ZNF195: variants seen among roughly 807,000 people sequenced by gnomAD.
The protein encoded by ZNF195 is zinc finger protein 195.
A neutral mutation model predicts 19.5 loss-of-function variants in ZNF195; 11 were observed. That is an observed-to-expected ratio of 0.57 (90% CI 0.36 to 0.94). The LOEUF (loss-of-function observed/expected upper bound fraction) is 0.94. Among genes scored for constraint, ZNF195 ranks in the 40% least tolerant of loss-of-function variants. ZNF195 has a pLI of 0.01. For missense variants in ZNF195, 582 were observed against 709.0 expected, an observed-to-expected ratio of 0.82 and a Z score of 2.03; for synonymous variants, 214 against 248.1, an observed-to-expected ratio of 0.86 and a Z score of 1.29.
At chr11:3,375,477 A>G (rs1277474580) in intron 1 of ZNF195, 1 of 152,242 alleles carries the variant, frequency 6.6e-6, no homozygotes, top group East Asian at 1.9e-4. Flanking sequence ...ATATCCCTTC[A>G]ATATGACATC....
Position 3,359,401 on chromosome 11 carries a change from T to C in ZNF195, c.1607A>G (p.Asn536Ser). The C allele has an allele frequency of 6.2e-7, 1 of 1,614,168 alleles. No individual in the cohort carries two copies. Among genetic ancestry groups the C allele is most frequent in the Non-Finnish European group, 8.5e-7 (1 of 1,180,020 alleles). ...ECGKNFTQSS[N>S]LIVHKRIHTG... ...ATGAATTCTCTTATGTACAATAAGGTTGGAGGACTGGGTAAAGTTTTTTCC... is the reference window on the plus strand; with the variant it reads ...ATGAATTCTCTTATGTACAATAAGGCTGGAGGACTGGGTAAAGTTTTTTCC... Residue 536 changes from asparagine (N) to serine (S), a missense_variant, in exon 6 of 6, where the codon AAC becomes AGC. Around this residue, in one of 3 missense-constraint regions of ZNF195, gnomAD observed 407 missense variants for 530.5 expected, o/e 0.77. Transcript: ENST00000399602. This position sits in a 1 kb window ranked among gnomAD's most constrained non-coding sequence, Gnocchi z 5.5.
In ZNF195 at chr11:3,360,155, A is replaced by G. The variant is rs367829346; in HGVS notation, c.853T>C (p.Ser285Pro). The G allele has an allele frequency of 1.5e-5, 25 of 1,613,862 alleles. No homozygotes were observed. The highest frequency in any genetic ancestry group is 2.0e-5 in the Non-Finnish European group (24 of 1,179,902). Residue 285 changes from serine (S) to proline (P), a missense_variant, in exon 6 of 6, where the codon TCA becomes CCA. By Grantham distance (74) the Ser-to-Pro change is moderately conservative. Coordinates refer to ENST00000399602, the MANE Select transcript of ZNF195 (RefSeq NM_001130520.3). ...GECGKTFIQC[S>P]HFTEPENIDT... ...ATGTTCTCAGGTTCAGTAAAGTGTG[A>G]GCACTGGATAAAGGTTTTGCCACAT...
At chr11:3,369,158 A>G (rs1462441289) in intron 3 of ZNF195, 5 of 263,708 alleles carry the variant, frequency 1.9e-5, no homozygotes, top group Admixed American at 4.8e-5. Context: ...GTAACATATT[A>G]GGGCTGTGCA....
rs191521993 is a variant in ZNF195 at position 3,365,014 on chromosome 11, C to T, written c.227-3125G>A. 1.6e-3 allele frequency among the ~76,000 whole-genome samples: 250 copies of T among 152,206 alleles called. 2 individuals carry two copies. The highest frequency in any genetic ancestry group is 1.0e-3 in the Non-Finnish European group (71 of 67,992). ...GTGGGGTGGTTATCCTTATATTAGACACAATACACTGTAAGTCAGAACTGT... is the reference window on the plus strand; with the variant it reads ...GTGGGGTGGTTATCCTTATATTAGATACAATACACTGTAAGTCAGAACTGT... On this transcript the variant is annotated intron_variant, in intron 3 of 5. Transcript: ENST00000399602.
At position 3,360,511 on chromosome 11, in the gene ZNF195, G is replaced by A. The variant is rs541850008; in HGVS notation, c.497C>T (p.Ala166Val). 1.1e-5 allele frequency: 18 copies of A among 1,605,336 alleles called. No homozygotes were observed. In the South Asian group the frequency reaches 2.0e-4, roughly 18 times the overall value. The stretch of plus-strand genomic sequence containing the variant: ...TCCTCTCAGTATTCTTTTTGGGAAT[G>A]CATCTTGTATGCCCTGCTCTGGCAG... ...DLLPEQGIQD[A>V]FPKRILRGYG... The change falls in exon 6 of 6, where the codon GCA becomes GTA. Residue 166 changes from alanine to valine, a missense_variant. By Grantham distance (64) the Ala-to-Val change is moderately conservative (BLOSUM62 0). This residue lies in a region of ZNF195 where 129 missense variants were observed against 112.1 expected (regional missense o/e 1.15). Coordinates refer to ENST00000399602, the MANE Select transcript of ZNF195 (RefSeq NM_001130520.3).
intron 3 of ZNF195, among the ~76,000 whole-genome samples, chr11:3,363,747 C>T (rs1346728753): frequency 6.6e-6 from 1 of 152,208 alleles, no homozygotes; most frequent in Non-Finnish European, 1.5e-5. Flanking sequence ...GGAGGTATCA[C>T]ACTGTCTGAT....
At position 3,371,056 on chromosome 11, in the gene ZNF195, TACAG is replaced by T; in HGVS notation, c.141_144del (p.Cys48SerfsTer4). 1 of 1,613,410 alleles carries T rather than the reference TACAG, an allele frequency of 6.2e-7. No individual in the cohort carries two copies. The highest frequency in any genetic ancestry group is 8.5e-7 in the Non-Finnish European group (1 of 1,179,586). ...TCCAGGCAGGTGATCAGGCCTGGCT[TACAG>T]ACAGTGAGACCTGTTTTATTAGAAA... On this transcript the variant is annotated frameshift_variant, in exon 3 of 6. Coordinates refer to ENST00000399602, the MANE Select transcript of ZNF195 (RefSeq NM_001130520.3). LOFTEE classifies it high-confidence loss of function.
chr11:3,376,680 G>C (rs1327763708), intron 1 of ZNF195, among the ~76,000 whole-genome samples: 1 of 152,214 alleles, frequency 6.6e-6, no homozygotes, highest in Non-Finnish European at 1.5e-5. Flanking sequence ...ATTATTTATT[G>C]CTTTCAGACA....
At chr11:3,372,888 C>T (rs1239621250) in intron 1 of ZNF195, among the ~76,000 whole-genome samples, 1 of 152,132 alleles carries the variant, frequency 6.6e-6, no homozygotes, top group African/African-American at 2.4e-5. Flanking sequence ...TGTGCCACCA[C>T]GCTTGGATAA....
At chr11:3,367,002 T>A (rs974358225) in intron 3 of ZNF195, 10 of 451,160 alleles carry the variant, frequency 2.2e-5, no homozygotes, top group African/African-American at 2.0e-4. Context: ...GAAGCAGAGG[T>A]TGCAGTGAGC....
At chr11:3,365,784 A>G (rs570866865) in intron 3 of ZNF195, among the ~76,000 whole-genome samples, 1 of 152,382 alleles carries the variant, frequency 6.6e-6, no homozygotes, top group East Asian at 1.9e-4. Context: ...GAAACAAAGC[A>G]GAGAGCCCAG....
In ZNF195 at chr11:3,359,950, G is replaced by T. The variant is rs1848546955; in HGVS notation, c.1058C>A (p.Pro353His). ...ACTGCTGCACTCTTCATATTTGCAG[G>T]GTTTTTCCTCAGTACCATGCTCATG... ...TEHEHGTEEK[P>H]CKYEECSSVF... The change falls in exon 6 of 6, where the codon CCC becomes CAC. Residue 353 changes from proline (P) to histidine (H), a missense_variant. Physicochemically the swap from Pro to His is moderately conservative, Grantham distance 77 (BLOSUM62 -2). Coordinates refer to ENST00000399602, the MANE Select transcript of ZNF195 (RefSeq NM_001130520.3). This position sits in a 1 kb window ranked among gnomAD's most constrained non-coding sequence, Gnocchi z 5.5. 19 of 1,614,024 alleles carry T rather than the reference G, an allele frequency of 1.2e-5. No individual in the cohort carries two copies. In the East Asian group the frequency reaches 4.2e-4, roughly 36 times the overall value.
chr11:3,373,505 G>T, intron 1 of ZNF195: 1 of 1,243,626 alleles, frequency 8.0e-7, no homozygotes, highest in Non-Finnish European at 1.2e-6. Context: ...AGAAGTAAAG[G>T]TTTCCAAATT....
chr11:3,377,603 TC>T, intron 1 of ZNF195: 1 of 1,182,776 alleles, frequency 8.5e-7, no homozygotes, highest in Admixed American at 3.1e-5. Flanking sequence ...AATCTTAATG[TC>T]CTAAGTGGTT....
chr11:3,359,721 C>G lies in ZNF195; in HGVS notation c.1287G>C (p.Lys429Asn), dbSNP rs755688623. Residue 429 changes from lysine (K) to asparagine (N), a missense_variant, in exon 6 of 6, where the codon AAG (lysine) becomes AAC (asparagine). Lys to Asn is a moderately conservative substitution (Grantham distance 94, BLOSUM62 0). This residue lies in a region of ZNF195 where 407 missense variants were observed against 530.5 expected (regional missense o/e 0.77). Coordinates refer to ENST00000399602, the MANE Select transcript of ZNF195 (RefSeq NM_001130520.3). The surrounding 1 kb of genome is among the most constrained non-coding windows in gnomAD (Gnocchi z 5.5). Reference sequence around the variant, plus strand: ...ATGGTTTCTCACCAGTGTGAATTCTCTTATGTTTAGTAAGGTCTGAGAACC... The same window carrying G: ...ATGGTTTCTCACCAGTGTGAATTCTGTTATGTTTAGTAAGGTCTGAGAACC... ...FKWFSDLTKH[K>N]RIHTGEKPYK... 2 of 1,614,124 alleles carry G rather than the reference C, an allele frequency of 1.2e-6. No homozygotes were observed. Among genetic ancestry groups the G allele is most frequent in the South Asian group, 2.2e-5 (2 of 91,086 alleles).
At chr11:3,361,346 T>C (rs1423164835) in intron 4 of ZNF195, among the ~76,000 whole-genome samples, 3 of 152,162 alleles carry the variant, frequency 2.0e-5, no homozygotes, top group East Asian at 3.9e-4. Context: ...TAGGGTCACA[T>C]GGCATAATCA....
At position 3,359,707 on chromosome 11, in the gene ZNF195, C is replaced by T. The variant is rs1848534535; in HGVS notation, c.1301G>A (p.Gly434Asp). 6.2e-7 allele frequency: 1 copy of T among 1,614,188 alleles called. No homozygotes were observed. ...TTCGTCACATTTGTATGGTTTCTCACCAGTGTGAATTCTCTTATGTTTAGT... is the reference window on the plus strand; with the variant it reads ...TTCGTCACATTTGTATGGTTTCTCATCAGTGTGAATTCTCTTATGTTTAGT... ...DLTKHKRIHT[G>D]EKPYKCDECG... Residue 434 changes from glycine to aspartate, a missense_variant, in exon 6 of 6, where the codon GGT becomes GAT. Physicochemically the swap from Gly to Asp is moderately conservative, Grantham distance 94. Transcript: ENST00000399602. The surrounding 1 kb of genome is among the most constrained non-coding windows in gnomAD (Gnocchi z 5.5).
intron 3 of ZNF195, chr11:3,369,318 G>C: frequency 4.4e-6 from 1 of 226,906 alleles, no homozygotes. Context: ...AACCAGGGTG[G>C]GGGGGCGTTA....
chr11:3,364,863 C>T (rs929397413), intron 3 of ZNF195, among the ~76,000 whole-genome samples: 5 of 152,034 alleles, frequency 3.3e-5, no homozygotes, highest in African/African-American at 1.2e-4. Context: ...ACTTATTGAA[C>T]AGAAATAAAA....
Sources: allele counts gnomAD v4.1 joint callset (sites outside exome capture counted in the v4.1 genomes callset), GRCh38; gene constraint gnomAD v4.1.1; regional missense constraint gnomAD v4.1.1; non-coding constraint Gnocchi (gnomAD v3.1); transcripts MANE v1.5; gene names NCBI Gene and HGNC (gene_info 2026-07-23, HGNC 2026-07-21).